Variants in RPGR observed in about 807,000 individuals in gnomAD.
RPGR encodes X-linked retinitis pigmentosa GTPase regulator.
A neutral mutation model predicts 56.3 loss-of-function variants in RPGR; 10 were observed. The observed-to-expected ratio is 0.18, with a 90% CI of 0.11 to 0.30. RPGR has a LOEUF of 0.30. Ranked by LOEUF, RPGR falls within the 10% of genes least tolerant of loss-of-function variation. The pLI is 1.00. For missense variants in RPGR, 538 were observed against 590.9 expected (o/e 0.91, Z 0.93); for synonymous variants, 197 against 212.9 (o/e 0.93, Z 0.65).
At chrX:38,303,584 C>A in intron 8 of RPGR, 1 of 274,593 alleles carries the variant, frequency 3.6e-6, no homozygotes, top group Non-Finnish European at 6.4e-6. Flanking sequence ...AAGGGATACA[C>A]AACAACTCTT....
intron 15 of RPGR, among the ~76,000 whole-genome samples, chrX:38,281,162 A>G (rs1037225674): frequency 4.4e-5 from 5 of 112,394 alleles, no homozygotes; most frequent in African/African-American, 1.6e-4. Flanking sequence ...TCATTTTCAG[A>G]TTTATTCTTT....
At chrX:38,275,043 GTGTA>G (rs752273758) in intron 17 of RPGR, 52 of 962,882 alleles carry the variant, frequency 5.4e-5, no homozygotes, top group Non-Finnish European at 6.7e-5. Context: ...ATATATATGT[GTGTA>G]TGTATGTATG....
At chrX:38,287,616 T>C in intron 14 of RPGR, 1 of 510,492 alleles carries the variant, frequency 2.0e-6, no homozygotes, top group South Asian at 2.5e-5. Context: ...GACTCATCTT[T>C]TTTGTACTCT....
At chrX:38,311,263 A>T (rs149885711) in intron 6 of RPGR, among the ~76,000 whole-genome samples, 1 of 112,358 alleles carries the variant, frequency 8.9e-6, no homozygotes, top group Non-Finnish European at 1.9e-5. Context: ...TTTAGATGGC[A>T]CTTCCTCCAA....
At chrX:38,318,695 A>T (rs2067871085) in intron 5 of RPGR, 134 bp downstream of exon 5, 3 of 642,177 alleles carry the variant, frequency 4.7e-6, no homozygotes, top group African/African-American at 4.4e-5. Flanking sequence ...TTATATTTTA[A>T]ATGTTTTCTG....
chrX:38,304,407 G>A (rs1015453660), intron 8 of RPGR, among the ~76,000 whole-genome samples: 3 of 111,330 alleles, frequency 2.7e-5, no homozygotes, highest in African/African-American at 6.5e-5. Context: ...TGACATCATC[G>A]GCCTATTGTG....
chrX:38,311,256 AGATGG>A (rs2067712043), intron 6 of RPGR, among the ~76,000 whole-genome samples: 1 of 112,491 alleles, frequency 8.9e-6, no homozygotes, highest in Non-Finnish European at 1.9e-5. Flanking sequence ...TTACCCATTT[AGATGG>A]CACTTCCTCC....
At chrX:38,274,224 A>C (rs748677599) in intron 17 of RPGR, among the ~76,000 whole-genome samples, 1 of 112,143 alleles carries the variant, frequency 8.9e-6, no homozygotes, top group African/African-American at 3.2e-5. Context: ...GATTATGTAG[A>C]TCTCAAGGGC....
intron 11 of RPGR, among the ~76,000 whole-genome samples, chrX:38,296,323 A>T (rs2067383708): frequency 9.0e-6 from 1 of 111,561 alleles, no homozygotes; most frequent in Non-Finnish European, 1.9e-5. Flanking sequence ...TCAAAAAAAA[A>T]AATTATTTGC....
At chrX:38,325,819 GAAGA>G (rs1013900306) in intron 1 of RPGR, 3 of 111,632 alleles carry the variant, frequency 2.7e-5, no homozygotes, top group Non-Finnish European at 3.8e-5. Flanking sequence ...GCGTCATTTT[GAAGA>G]AAGACTAAAA....
At chrX:38,299,493 T>A (rs750228736) in intron 9 of RPGR, among the ~76,000 whole-genome samples, 2 of 111,492 alleles carry the variant, frequency 1.8e-5, no homozygotes, top group Non-Finnish European at 3.8e-5. Context: ...GGGAAGAACA[T>A]TAAAAATGTG....
intron 14 of RPGR, chrX:38,287,527 C>T (rs1403660166): frequency 3.9e-6 from 2 of 512,214 alleles, no homozygotes; most frequent in Non-Finnish European, 7.0e-6. Flanking sequence ...TTGCTTGCAA[C>T]TTTCCCTTTT....
chrX:38,319,236 C>T (rs1047672179), intron 4 of RPGR, among the ~76,000 whole-genome samples: 5 of 112,187 alleles, frequency 4.5e-5, no homozygotes, highest in Admixed American at 9.4e-5. Context: ...ATGCATGGAA[C>T]GTATTTATTT....
At chrX:38,294,773 G>A (rs1229609312) in intron 11 of RPGR, among the ~76,000 whole-genome samples, 2 of 112,370 alleles carry the variant, frequency 1.8e-5, no homozygotes, top group East Asian at 5.6e-4. Context: ...TATGTGTGGT[G>A]CATTAATAAG....
chrX:38,285,198 T>C, intron 15 of RPGR: 1 of 864,623 alleles, frequency 1.2e-6, no homozygotes, highest in Non-Finnish European at 1.4e-6. Context: ...GAATGATTTG[T>C]ATACACAAAC....
At chrX:38,313,285 C>T (rs763959786) in intron 6 of RPGR, among the ~76,000 whole-genome samples, 4 of 111,468 alleles carry the variant, frequency 3.6e-5, no homozygotes, top group East Asian at 2.8e-4. Flanking sequence ...AAATGTCTTA[C>T]GTTACCAATC....
intron 11 of RPGR, chrX:38,295,948 T>C (rs901332285): frequency 8.9e-6 from 1 of 112,380 alleles, no homozygotes; most frequent in Non-Finnish European, 1.9e-5. Context: ...AAAACTGCTA[T>C]GAACCTTCAA....
chrX:38,286,734 C>G, intron 15 of RPGR: 1 of 1,155,404 alleles, frequency 8.7e-7, no homozygotes, highest in Non-Finnish European at 1.2e-6. Context: ...CTTCCTCTTT[C>G]CCTTCTCCCT....
At chrX:38,282,777 TCAGCAGCAGCAG>T (rs749108562) in intron 15 of RPGR, among the ~76,000 whole-genome samples, 25 of 105,788 alleles carry the variant, frequency 2.4e-4, no homozygotes, top group South Asian at 4.3e-4. Context: ...CTGCTGCTGT[TCAGCAGCAGCAG>T]CAGCAGCAGC....
Sources: gnomAD v4.1 joint callset for allele counts (sites outside exome capture counted in the v4.1 genomes callset) on GRCh38, gnomAD v4.1.1 for gene constraint, MANE v1.5 for transcripts, NCBI Gene and HGNC (gene_info 2026-07-23, HGNC 2026-07-21) for gene names.